SLC9A9: variants seen among roughly 807,000 people sequenced by gnomAD.
The protein encoded by SLC9A9 is sodium/hydrogen exchanger 9.
A neutral mutation model predicts 77.8 loss-of-function variants in SLC9A9; 62 were observed. The ratio of observed to expected loss-of-function variants is 0.80; its 90% CI spans 0.65 to 0.98. The LOEUF (loss-of-function observed/expected upper bound fraction) is 0.98. Among genes scored for constraint, SLC9A9 ranks in the 50% least tolerant of loss-of-function variants. The pLI is 0.00. For synonymous variants in SLC9A9, 320 were observed against 283.5 expected, an observed-to-expected ratio of 1.13 and a Z score of -1.29; for missense variants, 775 against 774.9, an observed-to-expected ratio of 1.00 and a Z score of 0.00.
chr3:143,708,021 C>T (rs1934033019), intron 4 of SLC9A9, among the ~76,000 whole-genome samples: 2 of 152,142 alleles, frequency 1.3e-5, no homozygotes, highest in African/African-American at 4.8e-5. Flanking sequence ...CAGCTGCCTG[C>T]AGGGGATCAA....
chr3:143,399,076 A>C (rs2033793549), intron 12 of SLC9A9, among the ~76,000 whole-genome samples: 2 of 152,198 alleles, frequency 1.3e-5, no homozygotes, highest in African/African-American at 4.8e-5. Context: ...TTACTTTTTA[A>C]GTGAAAAAAC....
intron 15 of SLC9A9, among the ~76,000 whole-genome samples, 159 bp from the exon 16 acceptor site, chr3:143,267,088 C>A (rs900865980): frequency 2.0e-5 from 3 of 151,970 alleles, no homozygotes; most frequent in African/African-American, 7.3e-5. Context: ...CATGGTACAG[C>A]CTTTCCCTGA....
intron 12 of SLC9A9, among the ~76,000 whole-genome samples, chr3:143,430,662 A>G (rs560121542): frequency 6.6e-6 from 1 of 152,202 alleles, no homozygotes; most frequent in Non-Finnish European, 1.5e-5. Flanking sequence ...CTCTGGGGGA[A>G]GCATCATCTT....
At chr3:143,645,543 T>C (rs1042387398) in intron 6 of SLC9A9, among the ~76,000 whole-genome samples, 2 of 152,190 alleles carry the variant, frequency 1.3e-5, no homozygotes, top group African/African-American at 4.8e-5. Flanking sequence ...GGTTGGATGA[T>C]AGTTCAAGGT....
intron 14 of SLC9A9, among the ~76,000 whole-genome samples, chr3:143,280,513 T>G (rs61544635): frequency 0.024 from 3,587 of 151,880 alleles, 137 homozygotes; most frequent in African/African-American, 0.08. Flanking sequence ...GAAGCCTTTT[T>G]AAAACATCTG....
At chr3:143,388,108 G>T (rs1307908686) in intron 12 of SLC9A9, among the ~76,000 whole-genome samples, 2 of 152,100 alleles carry the variant, frequency 1.3e-5, no homozygotes, top group Admixed American at 1.3e-4. Flanking sequence ...GCTGGAGATT[G>T]AGCACATAAA....
chr3:143,407,937 C>A (rs2034014076), intron 12 of SLC9A9, among the ~76,000 whole-genome samples: 1 of 152,164 alleles, frequency 6.6e-6, no homozygotes, highest in Non-Finnish European at 1.5e-5. Flanking sequence ...ATTTGTTTCT[C>A]ACAGTTCTGA....
rs57552730 is a variant in SLC9A9 at position 143,785,845 on chromosome 3, C to CTT, written c.533+9154_533+9155dup. 3.9e-3 allele frequency among the ~76,000 whole-genome samples: 444 copies of CTT among 112,946 alleles called. 29 individuals are homozygous for CTT. The highest frequency in any genetic ancestry group is 6.5e-3 in the Non-Finnish European group (340 of 52,258). 74.1% of individuals were successfully genotyped at this position (112,946 alleles called of 152,430 possible). ...GAGTAATTCTAAGACTTGAATTTTT[C>CTT]TTTTTTTTTTTTTTTTTTTTTTTTT... is the stretch of plus-strand genomic sequence containing the variant. On this transcript the variant is annotated intron_variant, in intron 4 of 15. Coordinates refer to ENST00000316549, the MANE Select transcript of SLC9A9 (RefSeq NM_173653.4).
chr3:143,289,863 C>T (rs1352704151), intron 14 of SLC9A9, among the ~76,000 whole-genome samples: 1 of 152,186 alleles, frequency 6.6e-6, no homozygotes, highest in Admixed American at 6.5e-5. Flanking sequence ...GATCATGGGA[C>T]TCCCTGCTTA....
rs557058990 is a variant in SLC9A9 at position 143,674,344 on chromosome 3, A to T, written c.649+18848T>A. Among the ~76,000 whole-genome samples, 3 of 152,144 alleles carry T rather than the reference A, an allele frequency of 2.0e-5. No homozygotes were observed. The East Asian group carries it at 5.8e-4, about 29-fold the overall frequency. ...CCAATCCCAACCTCATTTTTAGGAA[A>T]TTTTTCTACCCTTATTACGTGCTTA... On this transcript the variant is annotated intron_variant, in intron 5 of 15. Coordinates refer to ENST00000316549, the MANE Select transcript of SLC9A9 (RefSeq NM_173653.4).
At chr3:143,667,027 A>G (rs1560021611) in intron 5 of SLC9A9, among the ~76,000 whole-genome samples, 1 of 152,216 alleles carries the variant, frequency 6.6e-6, no homozygotes. Flanking sequence ...TTGCCAAGAC[A>G]ATCCTAAGCC....
chr3:143,397,619 C>A (rs191913226), intron 12 of SLC9A9, among the ~76,000 whole-genome samples: 18 of 152,244 alleles, frequency 1.2e-4, no homozygotes, highest in African/African-American at 3.6e-4. Flanking sequence ...TTCAGTGTCC[C>A]AAGCTACGAG....
At chr3:143,775,253 C>A (rs557147519) in intron 4 of SLC9A9, among the ~76,000 whole-genome samples, 2 of 152,232 alleles carry the variant, frequency 1.3e-5, no homozygotes, top group East Asian at 3.9e-4. Flanking sequence ...ATTAAATGAA[C>A]CAATGCTTAT....
chr3:143,434,819 A>C (rs544016220), intron 12 of SLC9A9, among the ~76,000 whole-genome samples: 2 of 151,960 alleles, frequency 1.3e-5, no homozygotes, highest in South Asian at 4.2e-4. Flanking sequence ...ATCGTCCTCC[A>C]TTACCTCTCC....
intron 14 of SLC9A9, among the ~76,000 whole-genome samples, chr3:143,291,491 C>G (rs1256652467): frequency 2.0e-5 from 3 of 152,200 alleles, no homozygotes; most frequent in Non-Finnish European, 4.4e-5. Context: ...TGGCCTTAAT[C>G]ATATGCCAAA....
At chr3:143,423,643 A>G (rs1172068296) in intron 12 of SLC9A9, among the ~76,000 whole-genome samples, 1 of 152,234 alleles carries the variant, frequency 6.6e-6, no homozygotes, top group Non-Finnish European at 1.5e-5. Context: ...GTCCATGCTG[A>G]TACAAATGAA....
chr3:143,595,336 G>T lies in SLC9A9; in HGVS notation c.756-16613C>A, dbSNP rs186120695. On this transcript the variant is annotated intron_variant, in intron 6 of 15. Transcript: ENST00000316549. ...ACTAAGATGTATTTCACTTCAGATG[G>T]TGATGATCCATTTTCTACCAACAAT... Among the ~76,000 whole-genome samples, 47 of 152,272 alleles carry T rather than the reference G, an allele frequency of 3.1e-4. No individual in the cohort carries two copies. The East Asian group carries it at 8.9e-3, about 29-fold the overall frequency.
At chr3:143,529,511 C>T (rs1191799655) in intron 9 of SLC9A9, among the ~76,000 whole-genome samples, 2 of 152,178 alleles carry the variant, frequency 1.3e-5, no homozygotes, top group African/African-American at 2.4e-5. Flanking sequence ...AAGGATTCAA[C>T]ACTGTTTTGT....
At chr3:143,686,648 C>A (rs1426869023) in intron 5 of SLC9A9, among the ~76,000 whole-genome samples, 3 of 152,066 alleles carry the variant, frequency 2.0e-5, no homozygotes, top group African/African-American at 7.2e-5. Flanking sequence ...CCTCTTTATC[C>A]ACCTACCCGA....
Sources: allele counts gnomAD v4.1 joint callset (sites outside exome capture counted in the v4.1 genomes callset), GRCh38; gene constraint gnomAD v4.1.1; transcripts MANE v1.5; gene names NCBI Gene and HGNC (gene_info 2026-07-23, HGNC 2026-07-21).